Variants in RAD51B observed in about 807,000 individuals in gnomAD.
RAD51B encodes the protein RAD51 paralog B, also known as DNA repair protein RAD51 homolog 2.
In RAD51B, 38 loss-of-function variants were observed where a neutral mutation model predicts 42.2. That is an observed-to-expected ratio of 0.90 (90% CI 0.70 to 1.18). The LOEUF (loss-of-function observed/expected upper bound fraction) is 1.18. Among genes scored for constraint, RAD51B ranks in the 50% most tolerant of loss-of-function variants. RAD51B has a pLI of 0.00. For missense variants in RAD51B, 373 were observed against 400.7 expected (o/e 0.93, Z 0.59); for synonymous variants, 154 against 145.2 (o/e 1.06, Z -0.43).
At chr14:68,490,421 A>G (rs1173843128) in intron 10 of RAD51B, among the ~76,000 whole-genome samples, 1 of 152,232 alleles carries the variant, frequency 6.6e-6, no homozygotes, top group Non-Finnish European at 1.5e-5. Flanking sequence ...GGTCACTAAA[A>G]TTGAAAGGTT....
intron 7 of RAD51B, among the ~76,000 whole-genome samples, chr14:68,184,993 C>A (rs2079129495): frequency 6.6e-6 from 1 of 151,994 alleles, no homozygotes; most frequent in African/African-American, 2.4e-5. Context: ...TATTGGAAAC[C>A]TAAGTGGTTA....
chr14:68,637,945 G>T (rs1892374211), intron 10 of RAD51B, among the ~76,000 whole-genome samples: 1 of 152,216 alleles, frequency 6.6e-6, no homozygotes, highest in South Asian at 2.1e-4. Flanking sequence ...TCTTCTCTTT[G>T]CTTCTTACCA....
At chr14:68,437,902 T>G (rs184120093) in intron 9 of RAD51B, among the ~76,000 whole-genome samples, 137 of 152,226 alleles carry the variant, frequency 9.0e-4, no homozygotes, top group Non-Finnish European at 1.6e-3. Context: ...TGCATTGGTA[T>G]TTGCTTGATA....
chr14:67,886,995 CTA>C (rs757271750), intron 6 of RAD51B, 24 bp from the exon 7 acceptor site: 5 of 1,355,218 alleles, frequency 3.7e-6, no homozygotes, highest in East Asian at 2.4e-5. Context: ...AATTTATTGA[CTA>C]TTTTATAAAT....
intron 8 of RAD51B, among the ~76,000 whole-genome samples, chr14:68,376,484 A>T (rs2083372528): frequency 6.6e-6 from 1 of 152,246 alleles, no homozygotes; most frequent in African/African-American, 2.4e-5. Flanking sequence ...GAATGGTCTG[A>T]TGTCAAGGAA....
At chr14:68,018,644 C>G (rs1197650220) in intron 7 of RAD51B, among the ~76,000 whole-genome samples, 1 of 152,106 alleles carries the variant, frequency 6.6e-6, no homozygotes, top group Admixed American at 6.6e-5. Context: ...TAATTTGTTT[C>G]TATCTTATTC....
chr14:68,166,878 A>G (rs2078764426), intron 7 of RAD51B, among the ~76,000 whole-genome samples: 1 of 152,054 alleles, frequency 6.6e-6, no homozygotes, highest in Non-Finnish European at 1.5e-5. Flanking sequence ...TCAAGCTGAA[A>G]AACCCTCACC....
chr14:68,005,055 T>G (rs1254283315), intron 7 of RAD51B, among the ~76,000 whole-genome samples: 2 of 134,504 alleles, frequency 1.5e-5, no homozygotes, highest in African/African-American at 2.8e-5. Context: ...GTTTTTTTTT[T>G]TTTTTTTTTT....
chr14:68,588,485 C>T (rs1566946800), intron 10 of RAD51B, among the ~76,000 whole-genome samples: 3 of 152,172 alleles, frequency 2.0e-5, no homozygotes, highest in Admixed American at 1.3e-4. Flanking sequence ...CTAGCTACCC[C>T]CGTGTGAAAT....
At chr14:68,602,510 A>AGCTAGC (rs1566951510) in intron 10 of RAD51B, among the ~76,000 whole-genome samples, 392 of 143,204 alleles carry the variant, frequency 2.7e-3, no homozygotes, top group Non-Finnish European at 4.2e-3. Context: ...GGATAGCTAG[A>AGCTAGC]TAGATAGCTA....
At chr14:67,851,282 G>T (rs35272075) in intron 4 of RAD51B, among the ~76,000 whole-genome samples, 45,395 of 151,848 alleles carry the variant, frequency 0.3, 7,210 homozygotes, top group Middle Eastern at 0.42. Context: ...TTGTTGGGGA[G>T]CCTCAGGTCC....
At chr14:68,362,678 T>C (rs1033576526) in intron 8 of RAD51B, among the ~76,000 whole-genome samples, 1 of 151,778 alleles carries the variant, frequency 6.6e-6, no homozygotes, top group Non-Finnish European at 1.5e-5. Flanking sequence ...TGAAACCCCG[T>C]CTCTACTAAA....
At chr14:68,120,545 A>G (rs996733747) in intron 7 of RAD51B, among the ~76,000 whole-genome samples, 3 of 152,204 alleles carry the variant, frequency 2.0e-5, no homozygotes, top group Non-Finnish European at 4.4e-5. Context: ...GAAAAAATGA[A>G]TGAATGGGGA....
chr14:68,529,459 G>T (rs1032589111), intron 10 of RAD51B, among the ~76,000 whole-genome samples: 1 of 152,192 alleles, frequency 6.6e-6, no homozygotes, highest in Non-Finnish European at 1.5e-5. Flanking sequence ...GAGCTTACTA[G>T]GAAAGAACGT....
At chr14:67,838,843 A>ATT (rs2041335097) in intron 4 of RAD51B, among the ~76,000 whole-genome samples, 1 of 151,552 alleles carries the variant, frequency 6.6e-6, no homozygotes, top group Non-Finnish European at 1.5e-5. Context: ...GTAAGTAGAT[A>ATT]TCCTTGATCA....
At chr14:68,499,641 G>T (rs1216330140) in intron 10 of RAD51B, among the ~76,000 whole-genome samples, 1 of 152,146 alleles carries the variant, frequency 6.6e-6, no homozygotes, top group South Asian at 2.1e-4. Context: ...CTACCCAGGT[G>T]GGCCCTAAAT....
At chr14:67,970,695 GC>G (rs1451658721) in intron 7 of RAD51B, among the ~76,000 whole-genome samples, 1 of 152,052 alleles carries the variant, frequency 6.6e-6, no homozygotes, top group African/African-American at 2.4e-5. Context: ...GTGATTGGTT[GC>G]TGTTTGTTAG....
intron 7 of RAD51B, among the ~76,000 whole-genome samples, chr14:67,888,704 T>C (rs1167215438): frequency 2.0e-5 from 3 of 152,178 alleles, no homozygotes; most frequent in Non-Finnish European, 2.9e-5. Context: ...GAGATTTACA[T>C]AGCATGTACA....
chr14:67,831,649 G>T (rs950970281), intron 3 of RAD51B, among the ~76,000 whole-genome samples: 4 of 152,058 alleles, frequency 2.6e-5, no homozygotes, highest in African/African-American at 9.7e-5. Flanking sequence ...TGATGATCCT[G>T]CCTCAGCCCC....
Sources: allele counts gnomAD v4.1 joint callset (sites outside exome capture counted in the v4.1 genomes callset), GRCh38; gene constraint gnomAD v4.1.1; transcripts MANE v1.5; gene names NCBI Gene and HGNC (gene_info 2026-07-23, HGNC 2026-07-21).